The following RDM1 variants were observed in gnomAD, a reference collection of about 807,000 sequenced individuals.
The protein encoded by RDM1 is RAD52 motif containing 1, also known as RAD52 motif-containing protein 1.
RDM1 carries 28 observed loss-of-function variants against 27.7 expected under a neutral mutation model. The observed-to-expected ratio is 1.01, with a 90% CI of 0.75 to 1.39. RDM1 has a LOEUF of 1.39. RDM1 is among the 40% of genes most tolerant of loss of function. The probability of loss-of-function intolerance (pLI) is 0.00; values close to 1 mark genes in which losing one functional copy is unlikely to be tolerated. For missense variants in RDM1, 277 were observed against 337.3 expected (o/e 0.82, Z 1.40); for synonymous variants, 124 against 127.5 (o/e 0.97, Z 0.19).
In RDM1 at chr17:35,925,145, A is replaced by G. The variant is rs183540156; in HGVS notation, c.399+370T>C. ...GAGCCTCTGTCTCAAAAACAAAACAAAACAAAACAAAAACCCAATAAAAAA... is the reference window on the plus strand; with the variant it reads ...GAGCCTCTGTCTCAAAAACAAAACAGAACAAAACAAAAACCCAATAAAAAA... On this transcript the variant is annotated intron_variant, in intron 3 of 6. Coordinates refer to ENST00000620284, the MANE Select transcript of RDM1 (RefSeq NM_145654.4). Among the ~76,000 whole-genome samples the G allele has an allele frequency of 8.5e-3, 1,290 of 152,272 alleles. 17 individuals are homozygous for G. The highest frequency in any genetic ancestry group is 0.03 in the African/African-American group (1,231 of 41,538).
At chr17:35,922,088 T>C (rs994656354) in intron 5 of RDM1, 14 of 152,202 alleles carry the variant, frequency 9.2e-5, no homozygotes, top group Admixed American at 8.5e-4. Context: ...GCCCAGCTAA[T>C]TTTTTTGTAT....
Position 35,930,698 on chromosome 17 carries a change from G to A in RDM1, c.30C>T (p.Pro10=). The part of the protein sequence containing the change: MAELVPFAV[P]IESDKTLLVW... ...CTAGCAAGGTTTTGTCACTCTCGAT[G>A]GGAACCGCAAAAGGTACCAACTCCG... Residue 10 remains proline, a synonymous_variant, in exon 1 of 7, where the codon CCC becomes CCT. Transcript: ENST00000620284. 1.2e-6 allele frequency: 2 copies of A among 1,613,904 alleles called. No individual in the cohort carries two copies. The highest frequency in any genetic ancestry group is 1.7e-6 in the Non-Finnish European group (2 of 1,179,988).
At chr17:35,921,837 T>G (rs2088952339) in intron 5 of RDM1, among the ~76,000 whole-genome samples, 1 of 152,008 alleles carries the variant, frequency 6.6e-6, no homozygotes, top group Non-Finnish European at 1.5e-5. Flanking sequence ...CCCCAGTTTA[T>G]AGATGAAGAG....
intron 2 of RDM1, among the ~76,000 whole-genome samples, chr17:35,926,380 G>T (rs774859189): frequency 6.6e-6 from 1 of 151,902 alleles, no homozygotes; most frequent in Non-Finnish European, 1.5e-5. Context: ...ATTTGTATTA[G>T]AAATTAATAA....
chr17:35,930,736 C>T lies in RDM1; in HGVS notation c.-9G>A. The T allele has an allele frequency of 1.9e-6, 3 of 1,612,780 alleles. No individual in the cohort carries two copies. The highest frequency in any genetic ancestry group is 2.5e-6 in the Non-Finnish European group (3 of 1,179,498). ...GGTACCAACTCCGCCATCCTCCCTT[C>T]ACCGCACCTGCGCGGCTAACCCTCG... is the stretch of plus-strand genomic sequence containing the variant. On this transcript the variant is annotated 5_prime_UTR_variant, in exon 1 of 7. An upstream open reading frame in the 5' UTR loses its in-frame stop. Transcript: ENST00000620284.
rs747060291 is a variant in RDM1 at position 35,930,639 on chromosome 17, G to A, written c.89C>T (p.Ala30Val). Residue 30 changes from alanine (A) to valine (V), a missense_variant, in exon 1 of 7, where the codon GCT becomes GTT. Coordinates refer to ENST00000620284, the MANE Select transcript of RDM1 (RefSeq NM_145654.4). Reference sequence around the variant, plus strand: ...ATCCTGGCCCCGGCTCACATGCAAAGCCTCGGCCGTGGGTCCGGAGCTCAG... The same window carrying A: ...ATCCTGGCCCCGGCTCACATGCAAAACCTCGGCCGTGGGTCCGGAGCTCAG... ...WELSSGPTAE[A>V]LHHSLFTAFS... 2 of 1,613,126 alleles carry A rather than the reference G, an allele frequency of 1.2e-6. No individual in the cohort carries two copies. The highest frequency in any genetic ancestry group is 3.3e-5 in the Admixed American group (2 of 59,928).
intron 5 of RDM1, among the ~76,000 whole-genome samples, chr17:35,920,506 CTGGAGTACAA>C (rs1280794581): frequency 1.4e-5 from 2 of 146,764 alleles, no homozygotes; most frequent in Non-Finnish European, 3.0e-5. Context: ...GTCACCCAGA[CTGGAGTACAA>C]TGGCACTGTC....
At position 35,925,644 on chromosome 17, in the gene RDM1, T is replaced by A. The variant is rs1443954982; in HGVS notation, c.277-7A>T. ...GTCTGGTGCCAAGACGAACCTAAAA[T>A]CATAGGAGATAGACCCATAAATATC... is the stretch of plus-strand genomic sequence containing the variant. On this transcript the variant is annotated splice_polypyrimidine_tract_variant and splice_region_variant and intron_variant, in intron 2 of 6. Transcript: ENST00000620284. 6.2e-7 allele frequency: 1 copy of A among 1,611,980 alleles called. No homozygotes were observed. Among genetic ancestry groups the A allele is most frequent in the East Asian group, 2.2e-5 (1 of 44,856 alleles).
chr17:35,920,423 T>A, intron 5 of RDM1, 151 bp from the exon 6 acceptor site: 1 of 399,600 alleles, frequency 2.5e-6, no homozygotes. Context: ...TCTCCTCATC[T>A]CACACTTCAG....
intron 3 of RDM1, among the ~76,000 whole-genome samples, chr17:35,925,229 A>T (rs530615455): frequency 6.6e-6 from 1 of 152,344 alleles, no homozygotes; most frequent in Middle Eastern, 3.4e-3. Context: ...GAGGTGTCCT[A>T]TGGCTTCAAA....
intron 4 of RDM1, 84 bp from the exon 5 acceptor site, chr17:35,922,759 G>T (rs560533097): frequency 2.6e-6 from 3 of 1,136,892 alleles, no homozygotes; most frequent in East Asian, 2.4e-5. Flanking sequence ...AAGCATCCAC[G>T]ATTCTTAGCT....
At chr17:35,926,860 G>C (rs947215005) in intron 2 of RDM1, among the ~76,000 whole-genome samples, 1 of 152,036 alleles carries the variant, frequency 6.6e-6, no homozygotes, top group African/African-American at 2.4e-5. Flanking sequence ...TCTATCGATT[G>C]AATGAATAAA....
At chr17:35,925,671 C>A in intron 2 of RDM1, 34 bp from the exon 3 acceptor site, 2 of 1,583,094 alleles carry the variant, frequency 1.3e-6, no homozygotes, top group South Asian at 2.3e-5. Flanking sequence ...ATAAATATCA[C>A]AACCGCTAGA....
At chr17:35,923,223 CAT>C (rs747202422) in intron 4 of RDM1, among the ~76,000 whole-genome samples, 2 of 151,610 alleles carry the variant, frequency 1.3e-5, no homozygotes, top group Non-Finnish European at 2.9e-5. Context: ...TGGTGGCACA[CAT>C]GTGTAATCCC....
At position 35,922,628 on chromosome 17, in the gene RDM1, T is replaced by A. The variant is rs371955176; in HGVS notation, c.616A>T (p.Ile206Phe). The A allele has an allele frequency of 1.9e-6, 3 of 1,611,562 alleles. No individual in the cohort carries two copies. In the South Asian group the frequency reaches 3.3e-5, roughly 18 times the overall value. Residue 206 changes from isoleucine to phenylalanine, a missense_variant, in exon 5 of 7, where the codon ATT becomes TTT. Ile to Phe is a conservative substitution (Grantham distance 21). Transcript: ENST00000620284. ...MKRKTAQKLA[I>F]QKALSDAFQK... is the part of the protein sequence containing the mutation. ...AATGCATCTGACAAAGCCTTCTGAA[T>A]AGCAAGCTTCTGGGCTGTCTTCCTT...
intron 4 of RDM1, among the ~76,000 whole-genome samples, chr17:35,923,642 G>A (rs928765066): frequency 5.3e-5 from 8 of 152,016 alleles, no homozygotes; most frequent in Non-Finnish European, 1.2e-4. Context: ...CAGCCTGGGC[G>A]ACTGAGTGAG....
chr17:35,930,294 C>A, intron 1 of RDM1, 39 bp from the exon 2 acceptor site: 7 of 1,613,684 alleles, frequency 4.3e-6, no homozygotes, highest in Non-Finnish European at 5.9e-6. Flanking sequence ...AAATCTCACG[C>A]CCAGAAAACA....
Position 35,918,433 on chromosome 17 carries a change from G to C in RDM1, c.764C>G (p.Ser255Cys). The change falls in exon 7 of 7, where the codon TCT becomes TGT. Residue 255 changes from serine (S) to cysteine (C), a missense_variant. Physicochemically the swap from Ser to Cys is moderately radical, Grantham distance 112. Transcript: ENST00000620284. Reference protein sequence around the residue: ...ELHGLIQVPCSPWKQYGQEEE... With the variant: ...ELHGLIQVPCCPWKQYGQEEE... ...CTCTTGGCCATACTGCTTCCAGGGA[G>C]AGCAAGGGACCTGCAAAATGTGCGC... is the stretch of plus-strand genomic sequence containing the variant. 6.2e-7 allele frequency: 1 copy of C among 1,614,122 alleles called. No homozygotes were observed. The highest frequency in any genetic ancestry group is 8.5e-7 in the Non-Finnish European group (1 of 1,179,984).
chr17:35,922,397 T>A, intron 5 of RDM1, 180 bp downstream of exon 5: 1 of 710,918 alleles, frequency 1.4e-6, no homozygotes, highest in East Asian at 3.1e-5. Context: ...TTTGCTGTCA[T>A]TTTTTTTCAC....
Sources: allele counts gnomAD v4.1 joint callset (sites outside exome capture counted in the v4.1 genomes callset), GRCh38; gene constraint gnomAD v4.1.1; transcripts MANE v1.5; gene names NCBI Gene and HGNC (gene_info 2026-07-23, HGNC 2026-07-21).